TARS1: variants seen among roughly 807,000 people sequenced by gnomAD.
TARS1 encodes threonyl-tRNA synthetase 1.
Under a neutral mutation model 97.7 loss-of-function variants are expected in TARS1, and 57 were observed. That is an observed-to-expected ratio of 0.58 (90% CI 0.47 to 0.73). The LOEUF (loss-of-function observed/expected upper bound fraction) is 0.73, where lower values mean the gene tolerates loss of function less well. Among genes scored for constraint, TARS1 ranks in the 30% least tolerant of loss-of-function variants. The pLI is 0.00. For missense variants in TARS1, 806 were observed against 888.3 expected, an observed-to-expected ratio of 0.91 and a Z score of 1.18; for synonymous variants, 312 against 293.7, an observed-to-expected ratio of 1.06 and a Z score of -0.64.
At chr5:33,451,537 C>T (rs143586959) in intron 3 of TARS1, among the ~76,000 whole-genome samples, 10,469 of 151,802 alleles carry the variant, frequency 0.069, 477 homozygotes, top group South Asian at 0.21. Context: ...ACCACGCCTG[C>T]CTAATTTTTG....
At chr5:33,440,958 G>C, upstream of TARS1, 1 of 1,091,596 alleles carries the variant, frequency 9.2e-7, no homozygotes, top group Non-Finnish European at 1.3e-6. Flanking sequence ...GGGTTAGGGC[G>C]CCTTTCGATT....
chr5:33,456,381 A>G (rs190185621), intron 8 of TARS1, among the ~76,000 whole-genome samples, 154 bp downstream of exon 8: 1 of 152,230 alleles, frequency 6.6e-6, no homozygotes, highest in Admixed American at 6.5e-5. Context: ...TGCCATCAGG[A>G]TTTTATAATT....
At position 33,460,926 on chromosome 5, in the gene TARS1, G is replaced by A; in HGVS notation, c.1275G>A (p.Arg425=). 6.2e-7 allele frequency: 1 copy of A among 1,614,078 alleles called. No individual in the cohort carries two copies. The change falls in exon 12 of 19, where the codon AGG becomes AGA. Residue 425 remains arginine, a synonymous_variant. Transcript: ENST00000265112. ...GHCLMFDHRP[R]SWRELPLRLA... is the part of the protein sequence containing the mutation. The stretch of plus-strand genomic sequence containing the variant: ...GCCTTATGTTTGATCATCGGCCAAG[G>A]TCCTGGCGAGAACTGCCTCTGCGGC...
chr5:33,464,489 C>G (rs1742441415), intron 17 of TARS1, among the ~76,000 whole-genome samples: 1 of 152,156 alleles, frequency 6.6e-6, no homozygotes, highest in Non-Finnish European at 1.5e-5. Context: ...AAGCATTGTT[C>G]TGCCATAGTG....
chr5:33,451,033 G>C (rs1356948588), intron 3 of TARS1, among the ~76,000 whole-genome samples: 2 of 152,166 alleles, frequency 1.3e-5, no homozygotes, highest in African/African-American at 4.8e-5. Flanking sequence ...AGGATAGCTT[G>C]AACTCGGGAG....
Position 33,455,042 on chromosome 5 carries a change from A to C in TARS1, c.551A>C (p.Tyr184Ser). Residue 184 changes from tyrosine to serine, a missense_variant, in exon 5 of 19, where the codon TAT (tyrosine) becomes TCT (serine). This residue lies in a region of TARS1 where 356 missense variants were observed against 357.8 expected (regional missense o/e 0.99). Transcript: ENST00000265112. Reference protein sequence around the residue: ...CYGPPIENGFYYDMYLEEGGV... With the variant: ...CYGPPIENGFSYDMYLEEGGV... ...GGTCCGCCAATAGAAAATGGATTCT[A>C]TTATGACATGTACCTCGAAGAAGGG... The C allele has an allele frequency of 1.2e-6, 2 of 1,613,828 alleles. No homozygotes were observed. The highest frequency in any genetic ancestry group is 2.7e-5 in the African/African-American group (2 of 74,982).
At chr5:33,460,237 G>A (rs140771182) in intron 11 of TARS1, among the ~76,000 whole-genome samples, 20 of 152,216 alleles carry the variant, frequency 1.3e-4, no homozygotes, top group African/African-American at 4.6e-4. Context: ...TTCCCAAAGC[G>A]CTGGGATTAC....
chr5:33,440,889 G>A, upstream of TARS1: 1 of 612,546 alleles, frequency 1.6e-6, no homozygotes, highest in Non-Finnish European at 2.9e-6. Context: ...CTTAGAGGAG[G>A]GAGGGCCCGC....
At chr5:33,463,000 GAC>G (rs1231079547) in intron 16 of TARS1, among the ~76,000 whole-genome samples, 1 of 152,214 alleles carries the variant, frequency 6.6e-6, no homozygotes, top group Non-Finnish European at 1.5e-5. Context: ...TAAAATGTGA[GAC>G]ACATTCTCTG....
intron 3 of TARS1, among the ~76,000 whole-genome samples, chr5:33,449,509 G>T (rs1314820923): frequency 7.9e-6 from 1 of 126,296 alleles, no homozygotes; most frequent in Non-Finnish European, 1.6e-5. Context: ...AGGCTAGAGT[G>T]CAGTGGCGCG....
rs776010742 is a variant in TARS1, at chr5:33,462,195, G to A, written c.1827G>A (p.Gly609=). ...RMIAILTENY[G]GKWPFWLSPR... ...TTGCTATCCTCACAGAAAACTATGG[G>A]GGCAAATGGTAATTTTTGTCACTGT... Residue 609 remains glycine, a synonymous_variant, in exon 16 of 19, where the codon GGG becomes GGA. Coordinates refer to ENST00000265112, the MANE Select transcript of TARS1 (RefSeq NM_152295.5). The A allele has an allele frequency of 6.2e-7, 1 of 1,610,982 alleles. No homozygotes were observed. The highest frequency in any genetic ancestry group is 8.5e-7 in the Non-Finnish European group (1 of 1,179,330).
At chr5:33,447,601 A>G (rs1005613265) in intron 2 of TARS1, among the ~76,000 whole-genome samples, 1 of 151,910 alleles carries the variant, frequency 6.6e-6, no homozygotes, top group African/African-American at 2.4e-5. Flanking sequence ...AAATTGTGGT[A>G]TGTTGATATA....
rs1338880250 is a variant in TARS1, at chr5:33,458,605, A to G, written c.1024A>G (p.Ser342Gly). The change falls in exon 10 of 19, where the codon AGT (serine) becomes GGT (glycine). Residue 342 changes from serine to glycine, a missense_variant. Around this residue, in one of 3 missense-constraint regions of TARS1, gnomAD observed 446 missense variants for 511.0 expected, o/e 0.87. Coordinates refer to ENST00000265112, the MANE Select transcript of TARS1 (RefSeq NM_152295.5). ...TTTCTTTCATGAACTCAGCCCTGGA[A>G]GTTGCTTTTTTCTGCCAAAAGGAGC... ...LYFFHELSPG[S>G]CFFLPKGAYI... 2.5e-6 allele frequency: 4 copies of G among 1,613,612 alleles called. No individual in the cohort carries two copies. Among genetic ancestry groups the G allele is most frequent in the East Asian group, 2.2e-5 (1 of 44,840 alleles).
intron 3 of TARS1, among the ~76,000 whole-genome samples, chr5:33,450,232 T>C (rs1741666146): frequency 6.6e-6 from 1 of 152,230 alleles, no homozygotes; most frequent in Non-Finnish European, 1.5e-5. Context: ...ATAAGTGTTA[T>C]GTATTGAATT....
chr5:33,456,875 G>T lies in TARS1; in HGVS notation c.838-382G>T, dbSNP rs563951512. Among the ~76,000 whole-genome samples, 255 of 152,358 alleles carry T rather than the reference G, an allele frequency of 1.7e-3. 1 individual carries two copies. Among genetic ancestry groups the T allele is most frequent in the Admixed American group, 3.3e-3 (50 of 15,310 alleles). On this transcript the variant is annotated intron_variant, in intron 8 of 18. Transcript: ENST00000265112. ...AATGAGGTTGCAGTGAATGGAGATC[G>T]TGCCACTGCACTCCAGGCTCAAGCA...
chr5:33,449,824 G>A (rs1436498765), intron 3 of TARS1, among the ~76,000 whole-genome samples: 5 of 152,188 alleles, frequency 3.3e-5, no homozygotes, highest in African/African-American at 9.6e-5. Flanking sequence ...CAGAGACCAT[G>A]TTTGGCCTGC....
In TARS1 at chr5:33,445,675, T is replaced by C. The variant is rs532376007; in HGVS notation, c.138+271T>C. ...GAATATAAAAATCAGAGAACAAAAG[T>C]TGAAGAGGAGACTGGTAATTATTCA... On this transcript the variant is annotated intron_variant, in intron 2 of 18. Coordinates refer to ENST00000265112, the MANE Select transcript of TARS1 (RefSeq NM_152295.5). Among the ~76,000 whole-genome samples, 3 of 152,354 alleles carry C rather than the reference T, an allele frequency of 2.0e-5. No individual in the cohort carries two copies. In the East Asian group the frequency reaches 5.8e-4, roughly 29 times the overall value.
intron 3 of TARS1, among the ~76,000 whole-genome samples, chr5:33,450,527 C>G (rs2111949543): frequency 6.6e-6 from 1 of 152,276 alleles, no homozygotes; most frequent in Middle Eastern, 3.4e-3. Context: ...CTACCTTACT[C>G]CAAAGGAAGT....
chr5:33,467,003 C>T lies in TARS1; in HGVS notation c.2023+18C>T. 1 of 1,506,944 alleles carries T rather than the reference C, an allele frequency of 6.6e-7. No homozygotes were observed. The highest frequency in any genetic ancestry group is 8.9e-7 in the Non-Finnish European group (1 of 1,122,194). 93.3% of individuals were successfully genotyped at this position (1,506,944 alleles called of 1,614,324 possible). A position where few individuals can be genotyped will look rare whatever the true frequency, so the allele number is the denominator to read the frequency against. ...CATTTTAGGTAAGAATGGAAACTTA[C>T]CAAAGAAAATTTGCCACACCTCAGG... On this transcript the variant is annotated intron_variant, in intron 18 of 18. Coordinates refer to ENST00000265112, the MANE Select transcript of TARS1 (RefSeq NM_152295.5).
Sources: gnomAD v4.1 joint callset for allele counts (sites outside exome capture counted in the v4.1 genomes callset) on GRCh38, gnomAD v4.1.1 for gene constraint, gnomAD v4.1.1 regional missense constraint, MANE v1.5 for transcripts, NCBI Gene and HGNC (gene_info 2026-07-23, HGNC 2026-07-21) for gene names.